Variants in DDX10 observed in about 807,000 individuals in gnomAD.
DDX10 encodes DEAD-box helicase 10.
In DDX10, 74 loss-of-function variants were observed where a neutral mutation model predicts 104.3. The ratio of observed to expected loss-of-function variants is 0.71; its 90% CI spans 0.59 to 0.86. The LOEUF (loss-of-function observed/expected upper bound fraction) is 0.86, where lower values mean the gene tolerates loss of function less well. Among genes scored for constraint, DDX10 ranks in the 40% least tolerant of loss-of-function variants. The pLI, the probability that DDX10 is intolerant of heterozygous loss-of-function variation, is 0.00. For synonymous variants in DDX10, 351 were observed against 353.4 expected, an observed-to-expected ratio of 0.99 and a Z score of 0.08; for missense variants, 952 against 1,040.0, an observed-to-expected ratio of 0.92 and a Z score of 1.16.
At chr11:108,721,210 A>C (rs1591800879) in intron 12 of DDX10, among the ~76,000 whole-genome samples, 1 of 152,174 alleles carries the variant, frequency 6.6e-6, no homozygotes, top group East Asian at 1.9e-4. Flanking sequence ...ATAACAGGTA[A>C]TATGTCAGTT....
At chr11:108,853,714 G>T (rs1170909540) in intron 16 of DDX10, among the ~76,000 whole-genome samples, 1 of 151,998 alleles carries the variant, frequency 6.6e-6, no homozygotes, top group Non-Finnish European at 1.5e-5. Flanking sequence ...ATTTTCACTG[G>T]GGGTTGATCT....
chr11:108,793,322 T>A (rs1448601622), intron 13 of DDX10, among the ~76,000 whole-genome samples: 2 of 152,302 alleles, frequency 1.3e-5, no homozygotes, highest in South Asian at 4.1e-4. Flanking sequence ...TCTGGTAGAT[T>A]TCAATGAGAC....
At chr11:108,837,364 A>G (rs774573966) in intron 13 of DDX10, among the ~76,000 whole-genome samples, 19 of 152,138 alleles carry the variant, frequency 1.2e-4, no homozygotes, top group Non-Finnish European at 2.6e-4. Context: ...TACTAGCTGT[A>G]ATTTGAGGAG....
intron 13 of DDX10, among the ~76,000 whole-genome samples, chr11:108,798,705 G>A (rs1011513775): frequency 6.6e-6 from 1 of 152,162 alleles, no homozygotes; most frequent in Non-Finnish European, 1.5e-5. Flanking sequence ...AGAGGGTTGA[G>A]GATGTTAGTG....
intron 17 of DDX10, among the ~76,000 whole-genome samples, chr11:108,930,458 A>G (rs1854916892): frequency 1.3e-5 from 2 of 152,350 alleles, no homozygotes; most frequent in South Asian, 4.1e-4. Flanking sequence ...ATAAATATTC[A>G]TGAGCAGGAT....
At chr11:108,901,277 A>G (rs551335821) in intron 16 of DDX10, among the ~76,000 whole-genome samples, 3 of 152,294 alleles carry the variant, frequency 2.0e-5, no homozygotes, top group South Asian at 4.1e-4. Context: ...CATAGTAAGC[A>G]CTCAGTAAAT....
intron 9 of DDX10, among the ~76,000 whole-genome samples, chr11:108,705,302 C>T (rs983259514): frequency 4.6e-5 from 7 of 152,124 alleles, no homozygotes; most frequent in East Asian, 1.9e-4. Flanking sequence ...TAATGACTTC[C>T]GGCTGCATGG....
At chr11:108,797,978 A>G (rs533419521) in intron 13 of DDX10, among the ~76,000 whole-genome samples, 1 of 152,282 alleles carries the variant, frequency 6.6e-6, no homozygotes, top group Admixed American at 6.5e-5. Flanking sequence ...TAGAAACCGC[A>G]GTCTCCTCTT....
At chr11:108,795,576 G>A (rs1441742997) in intron 13 of DDX10, among the ~76,000 whole-genome samples, 1 of 144,630 alleles carries the variant, frequency 6.9e-6, no homozygotes, top group African/African-American at 2.6e-5. Context: ...CCACCTATGA[G>A]TGAGAACATG....
intron 17 of DDX10, among the ~76,000 whole-genome samples, chr11:108,939,989 C>A (rs764477429): frequency 6.6e-6 from 1 of 152,118 alleles, no homozygotes; most frequent in Non-Finnish European, 1.5e-5. Flanking sequence ...GTGGATGATA[C>A]AGCTGTAACT....
intron 10 of DDX10, among the ~76,000 whole-genome samples, chr11:108,711,485 G>A (rs1302445725): frequency 7.2e-5 from 11 of 151,996 alleles, no homozygotes; most frequent in Non-Finnish European, 1.3e-4. Context: ...GACACGTGCC[G>A]CCATGCCTGG....
At chr11:108,671,425 A>G (rs942204120) in intron 1 of DDX10, among the ~76,000 whole-genome samples, 5 of 152,206 alleles carry the variant, frequency 3.3e-5, no homozygotes, top group African/African-American at 1.2e-4. Context: ...TGGCCTCCCA[A>G]AGTGTTGGGA....
chr11:108,684,176 CTT>C (rs55949043), intron 6 of DDX10, among the ~76,000 whole-genome samples: 1 of 26,680 alleles, frequency 3.7e-5, no homozygotes, highest in South Asian at 1.5e-3. Flanking sequence ...TATAGATTTT[CTT>C]TTTTTTTTTT....
intron 1 of DDX10, among the ~76,000 whole-genome samples, chr11:108,671,406 C>T (rs1258724739): frequency 4.6e-5 from 7 of 152,204 alleles, no homozygotes; most frequent in East Asian, 3.9e-4. Flanking sequence ...CCAGGTGATC[C>T]GCCTGCCTTG....
At chr11:108,679,590 A>G (rs1231481311) in intron 6 of DDX10, 30 bp downstream of exon 6, 5 of 1,485,196 alleles carry the variant, frequency 3.4e-6, no homozygotes, top group Non-Finnish European at 4.5e-6. Context: ...ATCAAGATAA[A>G]TGTTTTTTAC....
intron 16 of DDX10, among the ~76,000 whole-genome samples, chr11:108,864,170 C>T (rs902802741): frequency 6.6e-6 from 1 of 152,096 alleles, no homozygotes; most frequent in African/African-American, 2.4e-5. Context: ...CATTAGTATA[C>T]GTTGCCTTTT....
chr11:108,733,663 T>G (rs1316446640), intron 13 of DDX10, among the ~76,000 whole-genome samples: 1 of 152,096 alleles, frequency 6.6e-6, no homozygotes, highest in Non-Finnish European at 1.5e-5. Flanking sequence ...ATTCCCGTCA[T>G]TTCTACATTT....
chr11:108,780,852 A>G (rs771526653), intron 13 of DDX10, among the ~76,000 whole-genome samples: 15 of 152,236 alleles, frequency 9.9e-5, no homozygotes, highest in African/African-American at 3.1e-4. Context: ...GCAGCTTACA[A>G]TGTGGTGACA....
chr11:108,687,077 G>C (rs925290436), intron 6 of DDX10, among the ~76,000 whole-genome samples: 4 of 152,104 alleles, frequency 2.6e-5, no homozygotes, highest in Non-Finnish European at 5.9e-5. Flanking sequence ...GAGTCACTGC[G>C]CCCGGCCTCA....
Sources: gnomAD v4.1 joint callset for allele counts (sites outside exome capture counted in the v4.1 genomes callset) on GRCh38, gnomAD v4.1.1 for gene constraint, MANE v1.5 for transcripts, NCBI Gene and HGNC (gene_info 2026-07-23, HGNC 2026-07-21) for gene names.